The following ALMS1 variants were observed in gnomAD, a reference collection of about 807,000 sequenced individuals.
ALMS1 encodes the protein ALMS1 centrosome and basal body associated protein.
ALMS1 carries 271 observed loss-of-function variants against 352.2 expected under a neutral mutation model. The ratio of observed to expected loss-of-function variants is 0.77; its 90% CI spans 0.70 to 0.85. The LOEUF (loss-of-function observed/expected upper bound fraction) is 0.85. Among genes scored for constraint, ALMS1 ranks in the 40% least tolerant of loss-of-function variants. The probability of loss-of-function intolerance (pLI) is 0.00; values close to 1 mark genes in which losing one functional copy is unlikely to be tolerated. For synonymous variants in ALMS1, 1,865 were observed against 1,761.2 expected, an observed-to-expected ratio of 1.06 and a Z score of -1.48; for missense variants, 5,445 against 4,870.7, an observed-to-expected ratio of 1.12 and a Z score of -3.51.
chr2:73,550,242 G>A (rs1417404255), intron 12 of ALMS1, 25 bp from the exon 13 acceptor site: 3 of 1,613,270 alleles, frequency 1.9e-6, no homozygotes, highest in East Asian at 2.2e-5. Context: ...TTTGTGTTTT[G>A]TATTACTTCC....
rs565360354 is a variant in ALMS1, at chr2:73,490,594, T to C, written c.8635T>C (p.Cys2879Arg). The C allele has an allele frequency of 8.7e-6, 14 of 1,614,184 alleles. No homozygotes were observed. The East Asian group carries it at 3.1e-4, about 36-fold the overall frequency. The change falls in exon 10 of 23, where the codon TGC becomes CGC. Residue 2879 changes from cysteine (C) to arginine (R), a missense_variant. Coordinates refer to ENST00000613296, the MANE Select transcript of ALMS1 (RefSeq NM_001378454.1). ...AACTATAACTCCAGATCTTCCTTCT[T>C]GCATTTTTCTTGAACAACGAGAGCT... ...NVTITPDLPS[C>R]IFLEQRELFE...
intron 1 of ALMS1, among the ~76,000 whole-genome samples, chr2:73,395,028 G>GTATATATATGTGTA (rs1201410349): frequency 1.5e-5 from 2 of 130,442 alleles, no homozygotes; most frequent in African/African-American, 5.7e-5. Context: ...ATATATATGT[G>GTATATATATGTGTA]TATATATATG....
At chr2:73,466,471 C>G (rs1231643610) in intron 9 of ALMS1, among the ~76,000 whole-genome samples, 1 of 99,902 alleles carries the variant, frequency 1.0e-5, no homozygotes, top group East Asian at 3.3e-4. Flanking sequence ...ACATCACACT[C>G]TGGGGCCTGT....
intron 1 of ALMS1, among the ~76,000 whole-genome samples, chr2:73,394,794 C>T (rs976809205): frequency 6.6e-6 from 1 of 151,974 alleles, no homozygotes; most frequent in African/African-American, 2.4e-5. Context: ...ACCTAGATGG[C>T]ATAGCCTACT....
At chr2:73,573,557 AGAGT>A in intron 16 of ALMS1, 133 bp downstream of exon 16, 1 of 893,146 alleles carries the variant, frequency 1.1e-6, no homozygotes, top group Non-Finnish European at 1.8e-6. Flanking sequence ...CAACTGGAAA[AGAGT>A]GAGAAAGTGT....
At chr2:73,461,121 A>C (rs1278173889) in intron 9 of ALMS1, among the ~76,000 whole-genome samples, 3 of 152,226 alleles carry the variant, frequency 2.0e-5, no homozygotes, top group Non-Finnish European at 4.4e-5. Flanking sequence ...TGGAGATGTG[A>C]GAATGGGCAG....
chr2:73,552,660 G>A, intron 13 of ALMS1, among the ~76,000 whole-genome samples: 1 of 152,314 alleles, frequency 6.6e-6, no homozygotes, highest in South Asian at 2.1e-4. Flanking sequence ...CTAAGGAAAA[G>A]CCCTCCTCCT....
chr2:73,398,221 C>T (rs1670803364), intron 1 of ALMS1, among the ~76,000 whole-genome samples: 1 of 152,140 alleles, frequency 6.6e-6, no homozygotes, highest in Non-Finnish European at 1.5e-5. Flanking sequence ...CCAGTTGTTC[C>T]AGCACCATTT....
Position 73,563,096 on chromosome 2 carries a change from T to TA in ALMS1, c.10384+3967dup, listed in dbSNP as rs1241000215. Among the ~76,000 whole-genome samples the TA allele has an allele frequency of 5.5e-3, 768 of 140,738 alleles. 3 individuals are homozygous for TA. Among genetic ancestry groups the TA allele is most frequent in the African/African-American group, 0.01 (403 of 38,658 alleles). 92.3% of individuals were successfully genotyped at this position (140,738 alleles called of 152,430 possible). A position where few individuals can be genotyped will look rare whatever the true frequency, so the allele number is the denominator to read the frequency against. On this transcript the variant is annotated intron_variant, in intron 15 of 22. Transcript: ENST00000613296. The stretch of plus-strand genomic sequence containing the variant: ...ATAAGTAAACTAAATTCACCTATAT[T>TA]AAAAAAAAAAAAACTTCTTGGATTA...
chr2:73,417,561 T>G (rs1671202132), intron 2 of ALMS1, among the ~76,000 whole-genome samples: 1 of 152,080 alleles, frequency 6.6e-6, no homozygotes, highest in South Asian at 2.1e-4. Context: ...AATGTGAACA[T>G]GTTTCAATAT....
At chr2:73,432,974 TA>T (rs1572920145) in intron 7 of ALMS1, among the ~76,000 whole-genome samples, 1 of 152,140 alleles carries the variant, frequency 6.6e-6, no homozygotes, top group East Asian at 1.9e-4. Context: ...GATAAGTTTG[TA>T]GAGAGGAAAT....
chr2:73,402,534 A>G (rs1474763133), intron 1 of ALMS1, among the ~76,000 whole-genome samples: 2 of 152,052 alleles, frequency 1.3e-5, no homozygotes, highest in African/African-American at 4.8e-5. Context: ...TGTTTGGATT[A>G]CAGGCACGAG....
chr2:73,489,534 C>G (rs886268335), intron 9 of ALMS1, 100 bp from the exon 10 acceptor site: 2 of 1,367,900 alleles, frequency 1.5e-6, no homozygotes, highest in Non-Finnish European at 2.1e-6. Flanking sequence ...CCTTCATGGT[C>G]TAATCTTAGC....
Position 73,490,541 on chromosome 2 carries a change from C to T in ALMS1, c.8582C>T (p.Ser2861Phe), listed in dbSNP as rs1370639071. Residue 2861 changes from serine to phenylalanine, a missense_variant, in exon 10 of 23, where the codon TCC (serine) becomes TTC (phenylalanine). Transcript: ENST00000613296. The stretch of plus-strand genomic sequence containing the variant: ...ACCCTAGGAGTAAACAGATCGAGTT[C>T]CAGACTAGGAGTAAAAGAGAAGAAT... ...SSTLGVNRSSSRLGVKEKNVT... is the reference protein window; with the variant it reads ...SSTLGVNRSSFRLGVKEKNVT... 1 of 1,614,026 alleles carries T rather than the reference C, an allele frequency of 6.2e-7. No homozygotes were observed. Among genetic ancestry groups the T allele is most frequent in the East Asian group, 2.2e-5 (1 of 44,896 alleles).
chr2:73,551,724 C>T (rs1674439169), intron 13 of ALMS1, among the ~76,000 whole-genome samples: 1 of 152,120 alleles, frequency 6.6e-6, no homozygotes, highest in Non-Finnish European at 1.5e-5. Context: ...GCATGAGCCA[C>T]CGTGTCTGGC....
At chr2:73,492,923 A>C (rs949139202) in intron 10 of ALMS1, among the ~76,000 whole-genome samples, 5 of 152,054 alleles carry the variant, frequency 3.3e-5, no homozygotes, top group Middle Eastern at 3.4e-3. Context: ...TTTTTAGTAG[A>C]GACGAGGTTT....
chr2:73,415,667 A>G (rs1158178410), intron 2 of ALMS1, among the ~76,000 whole-genome samples: 1 of 152,150 alleles, frequency 6.6e-6, no homozygotes, highest in African/African-American at 2.4e-5. Flanking sequence ...GGCAATATTG[A>G]GTGCCCTTCA....
intron 2 of ALMS1, among the ~76,000 whole-genome samples, chr2:73,416,946 A>T (rs1473182618): frequency 2.6e-5 from 4 of 152,110 alleles, no homozygotes; most frequent in Non-Finnish European, 5.9e-5. Context: ...AAAAATTTTT[A>T]AAAAATTAAC....
chr2:73,509,113 C>G (rs765645410), intron 10 of ALMS1, among the ~76,000 whole-genome samples: 13 of 151,922 alleles, frequency 8.6e-5, no homozygotes, highest in Non-Finnish European at 1.9e-4. Flanking sequence ...AGATCTCCCT[C>G]CATCCCTTTA....
Sources: gnomAD v4.1 joint callset for allele counts (sites outside exome capture counted in the v4.1 genomes callset) on GRCh38, gnomAD v4.1.1 for gene constraint, MANE v1.5 for transcripts, NCBI Gene and HGNC (gene_info 2026-07-23, HGNC 2026-07-21) for gene names.